The following EIF2S2 variants were observed in gnomAD, a reference collection of about 807,000 sequenced individuals.
EIF2S2 encodes eukaryotic translation initiation factor 2 subunit beta.
EIF2S2 carries 4 observed loss-of-function variants against 44.0 expected under a neutral mutation model. The observed-to-expected ratio is 0.09, with a 90% CI of 0.04 to 0.21. The LOEUF (loss-of-function observed/expected upper bound fraction) is 0.21, where lower values mean the gene tolerates loss of function less well. Ranked by LOEUF, EIF2S2 falls within the 10% of genes least tolerant of loss-of-function variation. The pLI is 1.00. For synonymous variants in EIF2S2, 108 were observed against 128.3 expected, an observed-to-expected ratio of 0.84 and a Z score of 1.07; for missense variants, 154 against 392.0, an observed-to-expected ratio of 0.39 and a Z score of 5.13.
chr20:34,101,348 G>A (rs557602688), intron 3 of EIF2S2, among the ~76,000 whole-genome samples: 2 of 152,204 alleles, frequency 1.3e-5, no homozygotes, highest in African/African-American at 2.4e-5. Context: ...GAAGCTGAGG[G>A]ACGCTTGAGC....
intron 1 of EIF2S2, among the ~76,000 whole-genome samples, chr20:34,105,970 G>A (rs902750200): frequency 6.6e-6 from 1 of 152,138 alleles, no homozygotes; most frequent in African/African-American, 2.4e-5. Flanking sequence ...TGCCCAGGAT[G>A]GAGTGCAGTG....
intron 1 of EIF2S2, 120 bp downstream of exon 1, chr20:34,111,976 G>C: frequency 8.6e-7 from 1 of 1,166,486 alleles, no homozygotes; most frequent in Non-Finnish European, 1.1e-6. Flanking sequence ...GGGCCGCCTA[G>C]GCGCGGCTGC....
rs1295355758 is a variant in EIF2S2 at position 34,098,511 on chromosome 20, T to C, written c.420A>G (p.Leu140=). 1 of 1,613,526 alleles carries C rather than the reference T, an allele frequency of 6.2e-7. No individual in the cohort carries two copies. Among genetic ancestry groups the C allele is most frequent in the East Asian group, 2.2e-5 (1 of 44,868 alleles). Residue 140 remains leucine (L), a synonymous_variant, in exon 4 of 9, where the codon CTA becomes CTG. Coordinates refer to ENST00000374980, the MANE Select transcript of EIF2S2 (RefSeq NM_003908.5). The stretch of plus-strand genomic sequence containing the variant: ...CCTCAGCATTACCTTCATCTTTCTC[T>C]AGTATTTCATCCTCATCTGGGAACT... ...NVKFPDEDEI[L]EKDEALEDED... is the part of the protein sequence containing the mutation.
intron 7 of EIF2S2, among the ~76,000 whole-genome samples, chr20:34,091,840 G>A (rs930119961): frequency 5.4e-5 from 8 of 149,442 alleles, no homozygotes; most frequent in East Asian, 2.0e-4. Context: ...TCTGTCTTGC[G>A]AGAGAGACGG....
intron 1 of EIF2S2, among the ~76,000 whole-genome samples, chr20:34,106,381 C>A (rs1345879164): frequency 6.6e-6 from 1 of 151,492 alleles, no homozygotes; most frequent in African/African-American, 2.4e-5. Flanking sequence ...GTAAGAGAAA[C>A]CTCTATACAA....
chr20:34,096,849 A>G, intron 5 of EIF2S2, 44 bp from the exon 6 acceptor site: 2 of 1,560,420 alleles, frequency 1.3e-6, no homozygotes, highest in South Asian at 2.4e-5. Context: ...TAGTAACTGC[A>G]GGGGTATAAA....
intron 1 of EIF2S2, 120 bp downstream of exon 1, chr20:34,111,976 G>A (rs2034418858): frequency 3.4e-6 from 4 of 1,166,486 alleles, no homozygotes; most frequent in Non-Finnish European, 4.4e-6. Context: ...GGGCCGCCTA[G>A]GCGCGGCTGC....
intron 1 of EIF2S2, among the ~76,000 whole-genome samples, chr20:34,106,315 T>A (rs1006237053): frequency 2.6e-5 from 4 of 152,200 alleles, no homozygotes; most frequent in Admixed American, 1.3e-4. Context: ...AAATTTTTTT[T>A]AACTACAAAT....
At position 34,089,412 on chromosome 20, in the gene EIF2S2, A is replaced by G; in HGVS notation, c.*318T>C. The G allele has an allele frequency of 3.9e-6, 1 of 253,264 alleles. No homozygotes were observed. The highest frequency in any genetic ancestry group is 7.4e-6 in the Non-Finnish European group (1 of 134,590). 15.7% of individuals were successfully genotyped at this position (253,264 alleles called of 1,614,324 possible). A position where few individuals can be genotyped will look rare whatever the true frequency, so the allele number is the denominator to read the frequency against. Reference sequence around the variant, plus strand: ...CACCAAGCACATTTATAGAAAAGAAAACTGAAGGACAAACCAAATTGAAAG... The same window carrying G: ...CACCAAGCACATTTATAGAAAAGAAGACTGAAGGACAAACCAAATTGAAAG... On this transcript the variant is annotated 3_prime_UTR_variant, in exon 9 of 9. Transcript: ENST00000374980.
chr20:34,092,146 G>A (rs2034173459), intron 7 of EIF2S2, among the ~76,000 whole-genome samples: 1 of 152,206 alleles, frequency 6.6e-6, no homozygotes, highest in Non-Finnish European at 1.5e-5. Context: ...AGGCTACAGT[G>A]ATTGCAATGC....
intron 7 of EIF2S2, among the ~76,000 whole-genome samples, chr20:34,093,199 A>G (rs1246420675): frequency 2.0e-5 from 3 of 152,182 alleles, no homozygotes; most frequent in Non-Finnish European, 4.4e-5. Context: ...TGACTTGCTC[A>G]GTGCCTTCAA....
intron 2 of EIF2S2, among the ~76,000 whole-genome samples, 177 bp downstream of exon 2, chr20:34,105,191 C>T (rs1335217473): frequency 3.9e-5 from 6 of 152,202 alleles, no homozygotes; most frequent in Admixed American, 6.5e-5. Flanking sequence ...ATGGAAACAT[C>T]CCTGCAACAA....
At chr20:34,104,806 G>C (rs1016248021) in intron 2 of EIF2S2, among the ~76,000 whole-genome samples, 15 of 152,174 alleles carry the variant, frequency 9.9e-5, no homozygotes, top group African/African-American at 3.4e-4. Flanking sequence ...TTTTAAACAT[G>C]TAGAAGACAC....
intron 1 of EIF2S2, among the ~76,000 whole-genome samples, chr20:34,106,388 A>C (rs2122433436): frequency 6.6e-6 from 1 of 152,000 alleles, no homozygotes; most frequent in Admixed American, 6.6e-5. Flanking sequence ...AAACCTCTAT[A>C]CAACATTTCA....
At chr20:34,098,474 GTGC>G (rs773686641) in intron 4 of EIF2S2, 21 bp downstream of exon 4, 3 of 1,611,284 alleles carry the variant, frequency 1.9e-6, no homozygotes, top group Non-Finnish European at 2.5e-6. Context: ...ACCTCTAAAT[GTGC>G]TGCTGAGTCC....
chr20:34,091,863 G>A (rs1170542530), intron 7 of EIF2S2, among the ~76,000 whole-genome samples: 2 of 151,158 alleles, frequency 1.3e-5, no homozygotes, highest in Non-Finnish European at 1.5e-5. Context: ...GTCCGAGTGG[G>A]ACTCTCCTGG....
At chr20:34,109,173 AC>A (rs1337729195) in intron 1 of EIF2S2, among the ~76,000 whole-genome samples, 1 of 151,914 alleles carries the variant, frequency 6.6e-6, no homozygotes, top group Non-Finnish European at 1.5e-5. Flanking sequence ...TGAATCAAAT[AC>A]TTTTTTTTTT....
intron 4 of EIF2S2, 123 bp downstream of exon 4, chr20:34,098,375 T>G: frequency 9.5e-7 from 1 of 1,052,770 alleles, no homozygotes; most frequent in Admixed American, 2.3e-5. Flanking sequence ...TTCGCTTCCA[T>G]TATCAGTCAG....
chr20:34,096,335 T>C (rs1226624465), intron 6 of EIF2S2, among the ~76,000 whole-genome samples: 10 of 152,018 alleles, frequency 6.6e-5, no homozygotes, highest in African/African-American at 1.9e-4. Context: ...CATGGTGGTG[T>C]GCACCTGTAG....
Sources: gnomAD v4.1 joint callset for allele counts (sites outside exome capture counted in the v4.1 genomes callset) on GRCh38, gnomAD v4.1.1 for gene constraint, MANE v1.5 for transcripts, NCBI Gene and HGNC (gene_info 2026-07-23, HGNC 2026-07-21) for gene names.